PIK3C3: variants seen among roughly 807,000 people sequenced by gnomAD.
PIK3C3 encodes the protein PI3-kinase type 3.
Under a neutral mutation model 126.1 loss-of-function variants are expected in PIK3C3, and 95 were observed. The ratio of observed to expected loss-of-function variants is 0.75; its 90% CI spans 0.64 to 0.89. The LOEUF (loss-of-function observed/expected upper bound fraction) is 0.89, where lower values mean the gene tolerates loss of function less well. Ranked by LOEUF, PIK3C3 falls within the 40% of genes least tolerant of loss-of-function variation. The pLI, the probability that PIK3C3 is intolerant of heterozygous loss-of-function variation, is 0.00. For missense variants in PIK3C3, 829 were observed against 1,063.2 expected, an observed-to-expected ratio of 0.78 and a Z score of 3.06; for synonymous variants, 374 against 360.0, an observed-to-expected ratio of 1.04 and a Z score of -0.44.
chr18:42,034,069 T>A, intron 16 of PIK3C3, 112 bp downstream of exon 16: 1 of 654,032 alleles, frequency 1.5e-6, no homozygotes, highest in Non-Finnish European at 2.4e-6. Flanking sequence ...ATAATTCTAG[T>A]TGATTTAGTA....
chr18:41,993,393 T>C lies in PIK3C3; in HGVS notation c.786+52T>C, dbSNP rs779797386. The C allele has an allele frequency of 1.2e-5, 14 of 1,142,366 alleles. No homozygotes were observed. In the Admixed American group the frequency reaches 2.0e-4, roughly 16 times the overall value. The allele number at this position is 1,142,366 out of a possible 1,614,324, so 70.8% of individuals were successfully genotyped here. ...AAAGTACTTTTCTTCAGAGTAATTG[T>C]GAGTTAGCCACATCATGTACTTTCT... On this transcript the variant is annotated intron_variant, in intron 7 of 24. Coordinates refer to ENST00000262039, the MANE Select transcript of PIK3C3 (RefSeq NM_002647.4).
chr18:42,014,466 A>G (rs993793046), intron 11 of PIK3C3, among the ~76,000 whole-genome samples: 9 of 152,214 alleles, frequency 5.9e-5, no homozygotes, highest in African/African-American at 2.2e-4. Context: ...CCTCTGAGGT[A>G]CGTATTCCTG....
chr18:41,968,823 T>TC (rs1177750793), intron 3 of PIK3C3, among the ~76,000 whole-genome samples: 9 of 152,048 alleles, frequency 5.9e-5, no homozygotes, highest in African/African-American at 2.2e-4. Flanking sequence ...TTGTTGTTTT[T>TC]TTTTTAAGTT....
At chr18:41,981,579 C>T (rs1181140004) in intron 4 of PIK3C3, among the ~76,000 whole-genome samples, 1 of 152,128 alleles carries the variant, frequency 6.6e-6, no homozygotes, top group Non-Finnish European at 1.5e-5. Flanking sequence ...GTCTCTAAAA[C>T]ATGCACACGT....
Position 42,082,059 on chromosome 18 carries a change from TTG to T in PIK3C3, c.*924_*925del, listed in dbSNP as rs1986270185. On this transcript the variant is annotated 3_prime_UTR_variant, in exon 25 of 25. Coordinates refer to ENST00000262039, the MANE Select transcript of PIK3C3 (RefSeq NM_002647.4). ...CTTTCTGAATTAAGCAAAATTTTTT[TTG>T]TCTTTTAAGACTAGAACTAATCCCT... 1 of 152,214 alleles carries T rather than the reference TTG, an allele frequency of 6.6e-6. No homozygotes were observed. The highest frequency in any genetic ancestry group is 1.5e-5 in the Non-Finnish European group (1 of 68,024). The allele number at this position is 152,214 out of a possible 1,614,324, so 9.4% of individuals were successfully genotyped here.
chr18:42,052,095 TAAAC>T (rs1475969554), intron 21 of PIK3C3, among the ~76,000 whole-genome samples: 1 of 152,240 alleles, frequency 6.6e-6, no homozygotes, highest in African/African-American at 2.4e-5. Flanking sequence ...TGGAAATTGA[TAAAC>T]AATCAGACAG....
At chr18:42,038,875 A>G (rs1161490497) in intron 18 of PIK3C3, 25 bp downstream of exon 18, 4 of 1,413,536 alleles carry the variant, frequency 2.8e-6, no homozygotes, top group African/African-American at 1.4e-5. Context: ...CATCATTATT[A>G]TTTACTTTAG....
intron 19 of PIK3C3, 79 bp from the exon 20 acceptor site, chr18:42,043,654 G>A (rs980179772): frequency 7.0e-6 from 6 of 860,164 alleles, no homozygotes; most frequent in Non-Finnish European, 1.2e-5. Flanking sequence ...GACACTTGCT[G>A]GTCACTATTT....
chr18:42,067,358 G>T, intron 23 of PIK3C3, 30 bp from the exon 24 acceptor site: 2 of 1,607,856 alleles, frequency 1.2e-6, no homozygotes, highest in South Asian at 2.2e-5. Flanking sequence ...ATTTTTCTTC[G>T]TTGTAAAGAC....
At chr18:42,033,606 T>A (rs1983920766) in intron 15 of PIK3C3, among the ~76,000 whole-genome samples, 1 of 152,226 alleles carries the variant, frequency 6.6e-6, no homozygotes, top group Non-Finnish European at 1.5e-5. Context: ...AAAGTCCAAC[T>A]TTCACAGTCA....
chr18:41,970,593 T>G (rs1298151003), intron 4 of PIK3C3, 137 bp downstream of exon 4: 1 of 782,344 alleles, frequency 1.3e-6, no homozygotes, highest in Non-Finnish European at 2.2e-6. Flanking sequence ...TATTGAGATA[T>G]AATTCACATA....
chr18:42,067,999 A>G (rs972790181), intron 24 of PIK3C3, among the ~76,000 whole-genome samples: 2 of 152,232 alleles, frequency 1.3e-5, no homozygotes, highest in Non-Finnish European at 2.9e-5. Flanking sequence ...ACCCATTTTA[A>G]TTATGAATTG....
chr18:41,974,818 G>C (rs984224758), intron 4 of PIK3C3, among the ~76,000 whole-genome samples: 3 of 152,034 alleles, frequency 2.0e-5, no homozygotes, highest in African/African-American at 7.2e-5. Flanking sequence ...ATCCACCTGG[G>C]GTTTTGGATG....
intron 10 of PIK3C3, among the ~76,000 whole-genome samples, chr18:42,012,471 A>G (rs1400775682): frequency 7.9e-5 from 12 of 152,200 alleles, no homozygotes; most frequent in Non-Finnish European, 1.8e-4. Context: ...ATGAGTTTCA[A>G]GTGTCTAACA....
intron 8 of PIK3C3, 65 bp downstream of exon 8, chr18:41,996,059 C>A: frequency 1.0e-6 from 1 of 998,472 alleles, no homozygotes; most frequent in Non-Finnish European, 1.6e-6. Flanking sequence ...AAACTGATAG[C>A]TATCACCTCA....
intron 16 of PIK3C3, among the ~76,000 whole-genome samples, chr18:42,036,889 G>T (rs1393770673): frequency 1.3e-5 from 2 of 152,202 alleles, no homozygotes; most frequent in South Asian, 2.1e-4. Flanking sequence ...ACATGATGCC[G>T]CAAGTGGAAA....
intron 21 of PIK3C3, chr18:42,050,887 G>A (rs1042118111): frequency 1.3e-5 from 2 of 152,100 alleles, no homozygotes. Context: ...TCAGATCTTT[G>A]CAGGGCTGAC....
At chr18:42,048,396 T>C (rs945257996) in intron 20 of PIK3C3, among the ~76,000 whole-genome samples, 9 of 152,208 alleles carry the variant, frequency 5.9e-5, no homozygotes, top group African/African-American at 1.9e-4. Context: ...AGCCGCTTGC[T>C]TAAAACTGCT....
At chr18:42,035,529 G>A (rs551924972) in intron 16 of PIK3C3, among the ~76,000 whole-genome samples, 1 of 152,124 alleles carries the variant, frequency 6.6e-6, no homozygotes, top group South Asian at 2.1e-4. Flanking sequence ...TCAGTATTCA[G>A]TCTTGATTAT....
Sources: allele counts gnomAD v4.1 joint callset (sites outside exome capture counted in the v4.1 genomes callset), GRCh38; gene constraint gnomAD v4.1.1; transcripts MANE v1.5; gene names NCBI Gene and HGNC (gene_info 2026-07-23, HGNC 2026-07-21).